EML6: variants seen among roughly 807,000 people sequenced by gnomAD.
EML6 encodes echinoderm microtubule-associated protein-like 6.
In EML6, 154 loss-of-function variants were observed where a neutral mutation model predicts 240.1. That is an observed-to-expected ratio of 0.64 (90% CI 0.56 to 0.73). The LOEUF (loss-of-function observed/expected upper bound fraction) is 0.73, where lower values mean the gene tolerates loss of function less well. EML6 is among the 30% of genes least tolerant of loss of function. The pLI is 0.00. For synonymous variants in EML6, 1,148 were observed against 899.0 expected, an observed-to-expected ratio of 1.28 and a Z score of -4.95; for missense variants, 2,964 against 2,474.6, an observed-to-expected ratio of 1.20 and a Z score of -4.20.
At chr2:54,953,904 G>C (rs1045576173) in intron 31 of EML6, 79 bp from the exon 32 acceptor site, 2 of 1,119,046 alleles carry the variant, frequency 1.8e-6, no homozygotes, top group Non-Finnish European at 2.5e-6. Context: ...AAAAAAAAAG[G>C]CTTTTACATG....
rs1472625007 is a variant in EML6, at chr2:54,829,469, G to C, written c.839G>C (p.Gly280Ala). 1 of 1,551,166 alleles carries C rather than the reference G, an allele frequency of 6.4e-7. No individual in the cohort carries two copies. Reference sequence around the variant, plus strand: ...ATTGATCTCAGGGAGACAGAACAAGGATACAAAGGTAATATATGTGTTAAG... The same window carrying C: ...ATTGATCTCAGGGAGACAGAACAAGCATACAAAGGTAATATATGTGTTAAG... Reference protein sequence around the residue: ...TKIDLRETEQGYKGLSIRSVC... With the variant: ...TKIDLRETEQAYKGLSIRSVC... Residue 280 changes from glycine to alanine, a missense_variant, in exon 7 of 42, where the codon GGA becomes GCA. Coordinates refer to ENST00000356458, the MANE Select transcript of EML6 (RefSeq NM_001039753.4).
chr2:54,859,425 C>T, intron 11 of EML6, 109 bp from the exon 12 acceptor site: 1 of 813,568 alleles, frequency 1.2e-6, no homozygotes, highest in South Asian at 1.7e-5. Flanking sequence ...ACATCGTTTT[C>T]AGATATATTT....
Position 54,908,710 on chromosome 2 carries a change from A to G in EML6, c.3410-2244A>G, listed in dbSNP as rs1222284080. 1.3e-5 allele frequency among the ~76,000 whole-genome samples: 2 copies of G among 152,122 alleles called. 1 individual carries two copies. The highest frequency in any genetic ancestry group is 2.9e-5 in the Non-Finnish European group (2 of 68,040). ...TCTCTACTTCATCTGCACATGGCCC[A>G]GCCTCGGCTGCCCCAAAATGCCACC... On this transcript the variant is annotated intron_variant, in intron 24 of 41. Coordinates refer to ENST00000356458, the MANE Select transcript of EML6 (RefSeq NM_001039753.4).
At chr2:54,791,695 G>A (rs1669462979) in intron 2 of EML6, among the ~76,000 whole-genome samples, 1 of 152,156 alleles carries the variant, frequency 6.6e-6, no homozygotes, top group Admixed American at 6.5e-5. Flanking sequence ...CTGCAGGCTA[G>A]AGCCAAGAGA....
rs1424520755 is a variant in EML6 at position 54,950,678 on chromosome 2, A to T, written c.4112A>T (p.Tyr1371Phe). 3 of 1,551,540 alleles carry T rather than the reference A, an allele frequency of 1.9e-6. No homozygotes were observed. Among genetic ancestry groups the T allele is most frequent in the Non-Finnish European group, 1.7e-6 (2 of 1,146,990 alleles). ...EELALDHVFG[Y>F]RGFDCRNNLH... The stretch of plus-strand genomic sequence containing the variant: ...CTGGCTCTAGACCACGTGTTTGGCT[A>T]CAGAGGTTTCGACTGTCGAAATAAC... The change falls in exon 30 of 42, where the codon TAC (tyrosine) becomes TTC (phenylalanine). Residue 1371 changes from tyrosine to phenylalanine, a missense_variant. Transcript: ENST00000356458.
At chr2:54,861,898 A>AT (rs1446216700) in intron 12 of EML6, among the ~76,000 whole-genome samples, 1 of 152,080 alleles carries the variant, frequency 6.6e-6, no homozygotes, top group African/African-American at 2.4e-5. Flanking sequence ...GAGATATGTG[A>AT]TTTACCCAAC....
At chr2:54,896,977 T>C (rs1351768403) in intron 21 of EML6, among the ~76,000 whole-genome samples, 2 of 152,262 alleles carry the variant, frequency 1.3e-5, no homozygotes, top group Non-Finnish European at 2.9e-5. Context: ...AGATGCATCC[T>C]TGAGGCAATG....
intron 17 of EML6, among the ~76,000 whole-genome samples, chr2:54,884,238 A>G (rs201994661): frequency 1.1e-5 from 1 of 93,328 alleles, no homozygotes; most frequent in South Asian, 3.7e-4. Flanking sequence ...TACAAAGGTT[A>G]TGGTTGGGAA....
intron 41 of EML6, among the ~76,000 whole-genome samples, chr2:54,969,786 G>T (rs2104566031): frequency 6.6e-6 from 1 of 152,308 alleles, no homozygotes; most frequent in Non-Finnish European, 1.5e-5. Context: ...AGTAACAGGA[G>T]AGAGTGTGAT....
intron 22 of EML6, among the ~76,000 whole-genome samples, chr2:54,902,085 A>G (rs1558667285): frequency 6.6e-6 from 1 of 152,224 alleles, no homozygotes; most frequent in Non-Finnish European, 1.5e-5. Context: ...TATACATTAC[A>G]ATCCGTGGAT....
At chr2:54,879,492 A>C (rs970286104) in intron 16 of EML6, 55 bp from the exon 17 acceptor site, 1 of 1,140,664 alleles carries the variant, frequency 8.8e-7, no homozygotes, top group African/African-American at 1.5e-5. Context: ...ACAGTGTATG[A>C]AATGTTTTGT....
chr2:54,889,348 G>A (rs981951875), intron 17 of EML6, among the ~76,000 whole-genome samples: 1 of 151,548 alleles, frequency 6.6e-6, no homozygotes, highest in Non-Finnish European at 1.5e-5. Context: ...ACACCCCGTG[G>A]TCTTTTTATT....
chr2:54,775,406 C>T (rs1351216912), intron 2 of EML6, among the ~76,000 whole-genome samples: 3 of 152,110 alleles, frequency 2.0e-5, no homozygotes, highest in Non-Finnish European at 2.9e-5. Flanking sequence ...CTTGTTCTTT[C>T]CCGTGCCTGA....
rs547630261 is a variant in EML6 at position 54,878,098 on chromosome 2, A to C, written c.2345-1449A>C. On this transcript the variant is annotated intron_variant, in intron 16 of 41. Transcript: ENST00000356458. ...GTGTATTCCATGCAAAATAAGGATA[A>C]ATATGTAATATACATATAAATATTG... is the stretch of plus-strand genomic sequence containing the variant. 5.3e-5 allele frequency among the ~76,000 whole-genome samples: 8 copies of C among 152,358 alleles called. 1 individual carries two copies. Among genetic ancestry groups the C allele is most frequent in the African/African-American group, 1.9e-4 (8 of 41,582 alleles).
intron 28 of EML6, among the ~76,000 whole-genome samples, chr2:54,948,662 C>T (rs1039097906): frequency 5.3e-5 from 8 of 152,152 alleles, no homozygotes; most frequent in Non-Finnish European, 1.0e-4. Context: ...CACGGTGCCT[C>T]AAGCGTGGGG....
At chr2:54,963,220 C>T (rs903972312) in intron 36 of EML6, among the ~76,000 whole-genome samples, 2 of 152,198 alleles carry the variant, frequency 1.3e-5, no homozygotes, top group African/African-American at 4.8e-5. Context: ...AATTAAAATA[C>T]TTGGTTTCAT....
In EML6 at chr2:54,964,667, C is replaced by G; in HGVS notation, c.5427C>G (p.Gly1809=). 1 of 1,552,328 alleles carries G rather than the reference C, an allele frequency of 6.4e-7. No homozygotes were observed. Among genetic ancestry groups the G allele is most frequent in the Non-Finnish European group, 8.7e-7 (1 of 1,147,108 alleles). ...LTQGTNLNRI[G]YCKDIPSFVI... is the part of the protein sequence containing the mutation. ...AGGGCACAAATCTGAACCGCATTGG[C>G]TACTGCAAAGATATCCCAAGCTTTG... is the stretch of plus-strand genomic sequence containing the variant. The change falls in exon 38 of 42, where the codon GGC becomes GGG. Residue 1809 remains glycine, a synonymous_variant. Coordinates refer to ENST00000356458, the MANE Select transcript of EML6 (RefSeq NM_001039753.4).
chr2:54,895,031 C>T lies in EML6; in HGVS notation c.2854+5C>T, dbSNP rs912370457. ...CATTGTCGACTAGCTCAAAAGGTGCCACTCCCAAACATGTAATAGAGATCT... is the reference window on the plus strand; with the variant it reads ...CATTGTCGACTAGCTCAAAAGGTGCTACTCCCAAACATGTAATAGAGATCT... On this transcript the variant is annotated splice_donor_5th_base_variant and intron_variant, in intron 20 of 41. Coordinates refer to ENST00000356458, the MANE Select transcript of EML6 (RefSeq NM_001039753.4). The T allele has an allele frequency of 3.9e-6, 6 of 1,530,498 alleles. No individual in the cohort carries two copies. The highest frequency in any genetic ancestry group is 2.7e-6 in the Non-Finnish European group (3 of 1,127,642). 94.8% of individuals were successfully genotyped at this position (1,530,498 alleles called of 1,614,324 possible).
chr2:54,849,466 A>T (rs80153890), intron 9 of EML6, among the ~76,000 whole-genome samples: 6,035 of 152,304 alleles, frequency 0.04, 418 homozygotes, highest in African/African-American at 0.13. Context: ...CCAAAATATC[A>T]TTTAAACAGT....
Sources: allele counts gnomAD v4.1 joint callset (sites outside exome capture counted in the v4.1 genomes callset), GRCh38; gene constraint gnomAD v4.1.1; transcripts MANE v1.5; gene names NCBI Gene and HGNC (gene_info 2026-07-23, HGNC 2026-07-21).